UNC5D: variants seen among roughly 807,000 people sequenced by gnomAD.
The protein encoded by UNC5D is unc-5 netrin receptor D, also known as netrin receptor UNC5D.
Under a neutral mutation model 105.4 loss-of-function variants are expected in UNC5D, and 39 were observed. That is an observed-to-expected ratio of 0.37 (90% CI 0.29 to 0.48). The LOEUF is 0.48. UNC5D is among the 20% of genes least tolerant of loss of function. The pLI is 0.98. For synonymous variants in UNC5D, 452 were observed against 450.4 expected (o/e 1.00, Z -0.04); for missense variants, 991 against 1,202.4 (o/e 0.82, Z 2.60).
intron 1 of UNC5D, among the ~76,000 whole-genome samples, chr8:35,426,738 G>A (rs1806273588): frequency 6.6e-6 from 1 of 152,086 alleles, no homozygotes; most frequent in Non-Finnish European, 1.5e-5. Flanking sequence ...TTCAATGTTA[G>A]AAATTAAACA....
chr8:35,486,273 C>T (rs1810816878), intron 1 of UNC5D, among the ~76,000 whole-genome samples: 1 of 152,072 alleles, frequency 6.6e-6, no homozygotes, highest in African/African-American at 2.4e-5. Flanking sequence ...GGCTAAATTC[C>T]CTTTGCAATA....
chr8:35,660,543 A>G (rs1436755888), intron 4 of UNC5D, among the ~76,000 whole-genome samples: 2 of 152,152 alleles, frequency 1.3e-5, no homozygotes, highest in Non-Finnish European at 2.9e-5. Flanking sequence ...TGATTCCTGT[A>G]ATGTATGCAG....
At chr8:35,704,570 A>G (rs1288419682) in intron 7 of UNC5D, among the ~76,000 whole-genome samples, 1 of 152,204 alleles carries the variant, frequency 6.6e-6, no homozygotes, top group East Asian at 1.9e-4. Flanking sequence ...TCCCCCTACC[A>G]TTGTGTGAGT....
intron 1 of UNC5D, among the ~76,000 whole-genome samples, chr8:35,363,275 C>A (rs755286038): frequency 2.6e-5 from 4 of 152,100 alleles, no homozygotes; most frequent in Non-Finnish European, 5.9e-5. Context: ...CAAGTCACAT[C>A]TTACATGGAT....
intron 1 of UNC5D, among the ~76,000 whole-genome samples, chr8:35,470,852 G>A (rs1809668301): frequency 6.6e-6 from 1 of 151,980 alleles, no homozygotes; most frequent in Non-Finnish European, 1.5e-5. Context: ...GCACTGACTT[G>A]TGAAGCACAG....
intron 1 of UNC5D, among the ~76,000 whole-genome samples, chr8:35,331,172 G>A (rs1810600989): frequency 6.6e-6 from 1 of 152,128 alleles, no homozygotes; most frequent in East Asian, 1.9e-4. Context: ...ATTAATTCAC[G>A]ACCCTGTATA....
intron 1 of UNC5D, among the ~76,000 whole-genome samples, chr8:35,257,246 G>A (rs1340740694): frequency 6.6e-6 from 1 of 152,106 alleles, no homozygotes; most frequent in Admixed American, 6.5e-5. Flanking sequence ...TGAGATTACA[G>A]GCGTCAGCCA....
rs202182849 is a variant in UNC5D at position 35,782,497 on chromosome 8, C to CA, written c.2658-7857dup. On this transcript the variant is annotated intron_variant, in intron 16 of 16. Transcript: ENST00000404895. ...TTACTTTTTGTACTGACAAACTACT[C>CA]AAAAATTTTTTTTTTTTTTTTTTTG... Among the ~76,000 whole-genome samples, 76 of 148,490 alleles carry CA rather than the reference C, an allele frequency of 5.1e-4. 1 individual carries two copies. The highest frequency in any genetic ancestry group is 6.9e-3 in the Middle Eastern group (2 of 288).
At chr8:35,785,652 C>T (rs960250699) in intron 16 of UNC5D, among the ~76,000 whole-genome samples, 24 of 152,136 alleles carry the variant, frequency 1.6e-4, no homozygotes, top group Non-Finnish European at 2.6e-4. Flanking sequence ...TAAGCCACCA[C>T]GCCGAGCCTA....
At chr8:35,670,866 TAAAATA>T (rs904142453) in intron 4 of UNC5D, among the ~76,000 whole-genome samples, 11 of 152,144 alleles carry the variant, frequency 7.2e-5, no homozygotes, top group African/African-American at 2.2e-4. Flanking sequence ...TCCTGGAACT[TAAAATA>T]AAAAGATGGC....
intron 1 of UNC5D, among the ~76,000 whole-genome samples, chr8:35,336,254 C>A (rs1811029155): frequency 6.6e-6 from 1 of 152,070 alleles, no homozygotes; most frequent in Admixed American, 6.6e-5. Flanking sequence ...AAAGCTAAAA[C>A]CAGTTTCTTT....
intron 1 of UNC5D, among the ~76,000 whole-genome samples, chr8:35,447,733 C>T (rs186317586): frequency 8.5e-4 from 130 of 152,082 alleles, no homozygotes; most frequent in African/African-American, 3.0e-3. Flanking sequence ...TGGGTACTGA[C>T]ATAGCAAGGA....
At chr8:35,529,388 G>C (rs1249204178) in intron 1 of UNC5D, among the ~76,000 whole-genome samples, 1 of 146,516 alleles carries the variant, frequency 6.8e-6, no homozygotes, top group Non-Finnish European at 1.5e-5. Flanking sequence ...TGAGGGCTCT[G>C]TTCTGTTCCA....
intron 2 of UNC5D, among the ~76,000 whole-genome samples, chr8:35,567,075 C>CA (rs374314252): frequency 0.021 from 2,664 of 126,330 alleles, 30 homozygotes; most frequent in Middle Eastern, 0.06. Context: ...TGTAAAGTAA[C>CA]AAAAAAAAAA....
At chr8:35,345,017 A>G (rs1328996738) in intron 1 of UNC5D, among the ~76,000 whole-genome samples, 10 of 152,180 alleles carry the variant, frequency 6.6e-5, no homozygotes, top group African/African-American at 2.2e-4. Flanking sequence ...GGTTTGCTGT[A>G]GTAAATGCCA....
intron 14 of UNC5D, among the ~76,000 whole-genome samples, chr8:35,765,176 G>T (rs977988609): frequency 6.6e-6 from 1 of 152,140 alleles, no homozygotes; most frequent in African/African-American, 2.4e-5. Context: ...TGGCTTCTGC[G>T]TTTCCTCTCC....
At chr8:35,493,400 A>G (rs556210183) in intron 1 of UNC5D, among the ~76,000 whole-genome samples, 3 of 151,808 alleles carry the variant, frequency 2.0e-5, no homozygotes, top group Non-Finnish European at 4.4e-5. Flanking sequence ...TATCCATCTC[A>G]CTGTGAGGAA....
chr8:35,283,913 A>G (rs1806389592), intron 1 of UNC5D, among the ~76,000 whole-genome samples: 1 of 152,190 alleles, frequency 6.6e-6, no homozygotes. Context: ...ATTCTAGCAC[A>G]GCCAAGGTTG....
chr8:35,512,765 A>G (rs1002664184), intron 1 of UNC5D, among the ~76,000 whole-genome samples: 6 of 151,354 alleles, frequency 4.0e-5, no homozygotes, highest in Non-Finnish European at 8.8e-5. Flanking sequence ...ATTATAATAT[A>G]TAATTAGTAG....
Sources: gnomAD v4.1 joint callset for allele counts (sites outside exome capture counted in the v4.1 genomes callset) on GRCh38, gnomAD v4.1.1 for gene constraint, MANE v1.5 for transcripts, NCBI Gene and HGNC (gene_info 2026-07-23, HGNC 2026-07-21) for gene names.